Variants in ARHGEF26 observed in about 807,000 individuals in gnomAD.
The protein encoded by ARHGEF26 is Rho guanine nucleotide exchange factor 26.
Under a neutral mutation model 89.4 loss-of-function variants are expected in ARHGEF26, and 59 were observed. That is an observed-to-expected ratio of 0.66 (90% CI 0.54 to 0.82). The LOEUF is 0.82. ARHGEF26 is among the 40% of genes least tolerant of loss of function. The pLI is 0.00. For synonymous variants in ARHGEF26, 500 were observed against 428.4 expected, an observed-to-expected ratio of 1.17 and a Z score of -2.06; for missense variants, 1,234 against 1,085.6, an observed-to-expected ratio of 1.14 and a Z score of -1.92.
At chr3:154,210,884 A>G (rs1715320677) in intron 9 of ARHGEF26, among the ~76,000 whole-genome samples, 1 of 151,536 alleles carries the variant, frequency 6.6e-6, no homozygotes, top group Non-Finnish European at 1.5e-5. Flanking sequence ...TGGAGGTTGC[A>G]GTGAGCCAAG....
rs771019208 is a variant in ARHGEF26 at position 154,122,185 on chromosome 3, C to A, written c.193C>A (p.Pro65Thr). 75 of 1,600,730 alleles carry A rather than the reference C, an allele frequency of 4.7e-5. No individual in the cohort carries two copies. In the Admixed American group the frequency reaches 5.3e-4, roughly 11 times the overall value. The change falls in exon 2 of 15, where the codon CCC becomes ACC. Residue 65 changes from proline to threonine, a missense_variant. Coordinates refer to ENST00000465093, the MANE Select transcript of ARHGEF26 (RefSeq NM_015595.4). ...DGGTLLAAQI[P>T]AQVPTASDSR... ...AGGGACGCTCCTCGCAGCGCAGATT[C>A]CCGCCCAGGTGCCCACCGCCTCGGA...
chr3:154,247,229 C>T (rs188001624), intron 12 of ARHGEF26, among the ~76,000 whole-genome samples: 24 of 152,266 alleles, frequency 1.6e-4, no homozygotes, highest in South Asian at 8.3e-4. Context: ...CTGTCCAAAA[C>T]CAAACATCAA....
intron 11 of ARHGEF26, among the ~76,000 whole-genome samples, chr3:154,235,831 A>G (rs1035538247): frequency 3.9e-5 from 6 of 152,144 alleles, no homozygotes; most frequent in African/African-American, 9.7e-5. Context: ...CCTCTTCTCC[A>G]GAGTACCTGC....
intron 6 of ARHGEF26, among the ~76,000 whole-genome samples, chr3:154,169,877 C>T (rs357485): frequency 0.51 from 76,788 of 151,958 alleles, 19,594 homozygotes; most frequent in Non-Finnish European, 0.53. Context: ...CACTGTGTTT[C>T]CACTAGTTCA....
chr3:154,230,599 T>C (rs891626202), intron 11 of ARHGEF26, among the ~76,000 whole-genome samples: 1 of 152,294 alleles, frequency 6.6e-6, no homozygotes, highest in East Asian at 1.9e-4. Context: ...CCAAATCATA[T>C]TTGTGAGTTT....
rs867869129 is a variant in ARHGEF26 at position 154,152,781 on chromosome 3, G to T, written c.1336G>T (p.Glu446Ter). Residue 446 changes from glutamate to a stop codon, truncating the protein, a stop_gained, in exon 6 of 15, where the codon GAA (glutamate) becomes TAA (stop). Coordinates refer to ENST00000465093, the MANE Select transcript of ARHGEF26 (RefSeq NM_015595.4). LOFTEE classifies it high-confidence loss of function. ...TTTTCCTTCTTACCAGGCTATCTTT[G>T]AAGTCATATCCTCTGAACATTCATA... ...EERKRQEAIF[E>*]VISSEHSYLL... 1.3e-6 allele frequency: 2 copies of T among 1,497,450 alleles called. No individual in the cohort carries two copies. Among genetic ancestry groups the T allele is most frequent in the South Asian group, 1.4e-5 (1 of 70,102 alleles). The allele number at this position is 1,497,450 out of a possible 1,614,324, so 92.8% of individuals were successfully genotyped here. A position where few individuals can be genotyped will look rare whatever the true frequency, so the allele number is the denominator to read the frequency against.
At chr3:154,123,382 A>G (rs1718119927) in intron 2 of ARHGEF26, among the ~76,000 whole-genome samples, 1 of 152,152 alleles carries the variant, frequency 6.6e-6, no homozygotes, top group South Asian at 2.1e-4. Context: ...ACCACTTTTA[A>G]AAGAGATAGC....
intron 5 of ARHGEF26, among the ~76,000 whole-genome samples, chr3:154,150,864 A>G (rs1719978675): frequency 6.6e-6 from 1 of 152,208 alleles, no homozygotes; most frequent in African/African-American, 2.4e-5. Flanking sequence ...GCTATATATA[A>G]CAGGTCTAAC....
intron 12 of ARHGEF26, among the ~76,000 whole-genome samples, chr3:154,244,122 T>C (rs932255891): frequency 3.9e-5 from 6 of 152,196 alleles, no homozygotes; most frequent in African/African-American, 1.4e-4. Flanking sequence ...CCTTAAGTAA[T>C]TGAAGAACTT....
At chr3:154,130,702 A>T (rs1398587531) in intron 4 of ARHGEF26, among the ~76,000 whole-genome samples, 1 of 152,192 alleles carries the variant, frequency 6.6e-6, no homozygotes, top group Non-Finnish European at 1.5e-5. Flanking sequence ...CGAATATCTG[A>T]TGAATTAGCA....
intron 9 of ARHGEF26, among the ~76,000 whole-genome samples, chr3:154,195,105 C>T (rs999461545): frequency 6.6e-6 from 1 of 152,110 alleles, no homozygotes; most frequent in Non-Finnish European, 1.5e-5. Flanking sequence ...AAGAGGAGGG[C>T]AGACATTAAA....
At chr3:154,129,438 C>A in intron 3 of ARHGEF26, 136 bp from the exon 4 acceptor site, 1 of 985,458 alleles carries the variant, frequency 1.0e-6, no homozygotes, top group Non-Finnish European at 1.5e-6. Context: ...TGTAATTATT[C>A]TTCAGGGACT....
At chr3:154,167,345 A>G (rs910750360) in intron 6 of ARHGEF26, among the ~76,000 whole-genome samples, 2 of 152,202 alleles carry the variant, frequency 1.3e-5, no homozygotes, top group Non-Finnish European at 2.9e-5. Flanking sequence ...CCTGAGAAAC[A>G]GAGTATTCCT....
chr3:154,216,232 G>A lies in ARHGEF26; in HGVS notation c.1846-1637G>A, dbSNP rs184694670. The stretch of plus-strand genomic sequence containing the variant: ...TTTTATGGCAAATGACTCTAATATG[G>A]GCATTTTTTTTTCCAGATTTTCCAG... On this transcript the variant is annotated intron_variant, in intron 9 of 14. Transcript: ENST00000465093. Among the ~76,000 whole-genome samples the A allele has an allele frequency of 5.2e-3, 786 of 151,642 alleles. 14 individuals carry two copies. Among genetic ancestry groups the A allele is most frequent in the African/African-American group, 0.018 (740 of 41,422 alleles).
At chr3:154,202,370 G>C (rs1410319430) in intron 9 of ARHGEF26, among the ~76,000 whole-genome samples, 1 of 152,170 alleles carries the variant, frequency 6.6e-6, no homozygotes, top group Non-Finnish European at 1.5e-5. Flanking sequence ...CTATATCTCT[G>C]TTTTGGTACC....
chr3:154,213,431 C>T (rs926357410), intron 9 of ARHGEF26, among the ~76,000 whole-genome samples: 5 of 108,758 alleles, frequency 4.6e-5, no homozygotes, highest in Admixed American at 3.2e-4. Context: ...CTTCAAAATA[C>T]TAATTAAAAT....
intron 11 of ARHGEF26, among the ~76,000 whole-genome samples, chr3:154,236,018 C>G (rs987560544): frequency 2.6e-5 from 4 of 152,074 alleles, no homozygotes; most frequent in South Asian, 2.1e-4. Flanking sequence ...AATTATGGGA[C>G]AGAAACTTAA....
intron 6 of ARHGEF26, among the ~76,000 whole-genome samples, chr3:154,169,870 T>A (rs1408970853): frequency 1.3e-5 from 2 of 152,212 alleles, no homozygotes; most frequent in Non-Finnish European, 1.5e-5. Context: ...GAACCCACAC[T>A]GTGTTTCCAC....
intron 12 of ARHGEF26, among the ~76,000 whole-genome samples, chr3:154,243,006 T>G (rs1717569277): frequency 6.6e-6 from 1 of 151,906 alleles, no homozygotes; most frequent in African/African-American, 2.4e-5. Context: ...ATCTGTGAGG[T>G]GACCAGCAAG....
Sources: gnomAD v4.1 joint callset for allele counts (sites outside exome capture counted in the v4.1 genomes callset) on GRCh38, gnomAD v4.1.1 for gene constraint, MANE v1.5 for transcripts, NCBI Gene and HGNC (gene_info 2026-07-23, HGNC 2026-07-21) for gene names.